MDGA2: variants seen among roughly 807,000 people sequenced by gnomAD.
The protein encoded by MDGA2 is MAM domain containing glycosylphosphatidylinositol anchor 2, also known as MAM domain-containing glycosylphosphatidylinositol anchor protein 2.
In MDGA2, 40 loss-of-function variants were observed where a neutral mutation model predicts 117.8. The ratio of observed to expected loss-of-function variants is 0.34; its 90% confidence interval spans 0.26 to 0.44. The LOEUF (loss-of-function observed/expected upper bound fraction) is 0.44. Among genes scored for constraint, MDGA2 ranks in the 20% least tolerant of loss-of-function variants. The pLI is 1.00. For missense variants in MDGA2, 1,123 were observed against 1,250.6 expected (o/e 0.90, Z 1.54); for synonymous variants, 452 against 439.0 (o/e 1.03, Z -0.37).
At chr14:47,439,711 C>T (rs1003420739) in intron 1 of MDGA2, among the ~76,000 whole-genome samples, 1 of 151,372 alleles carries the variant, frequency 6.6e-6, no homozygotes, top group African/African-American at 2.4e-5. Flanking sequence ...ATGTGTGTGT[C>T]TATGTCTGTA....
At chr14:47,079,217 A>C (rs1166474074) in intron 6 of MDGA2, among the ~76,000 whole-genome samples, 2 of 134,082 alleles carry the variant, frequency 1.5e-5, no homozygotes, top group African/African-American at 5.0e-5. Flanking sequence ...GGCATAAATT[A>C]GGGCAATTTA....
chr14:47,513,998 AT>A (rs1951364677), intron 1 of MDGA2, among the ~76,000 whole-genome samples: 2 of 152,128 alleles, frequency 1.3e-5, no homozygotes, highest in Non-Finnish European at 2.9e-5. Context: ...AGGCTAAAAC[AT>A]TATGTAGAAT....
intron 1 of MDGA2, among the ~76,000 whole-genome samples, chr14:47,401,288 AG>A (rs1892142884): frequency 6.6e-6 from 1 of 152,214 alleles, no homozygotes; most frequent in Admixed American, 6.5e-5. Context: ...CCTTGAAAAC[AG>A]TAAAAGTGTC....
chr14:47,275,562 T>C lies in MDGA2; in HGVS notation c.420+25849A>G, dbSNP rs1440996527. Reference sequence around the variant, plus strand: ...TCCAGTTTAAATATTTTAGTTACTATCCTAGATTTAAACTAAATCTAGATA... The same window carrying C: ...TCCAGTTTAAATATTTTAGTTACTACCCTAGATTTAAACTAAATCTAGATA... On this transcript the variant is annotated intron_variant, in intron 2 of 16. Transcript: ENST00000399232. Among the ~76,000 whole-genome samples the C allele has an allele frequency of 2.0e-5, 3 of 152,150 alleles. No individual in the cohort carries two copies. The East Asian group carries it at 5.8e-4, about 29-fold the overall frequency.
At chr14:47,172,789 G>A (rs1051520408) in intron 3 of MDGA2, among the ~76,000 whole-genome samples, 3 of 152,318 alleles carry the variant, frequency 2.0e-5, no homozygotes, top group Non-Finnish European at 4.4e-5. Context: ...ACGGAACAAA[G>A]CTGGATGGAG....
At chr14:47,192,544 G>A (rs926685352) in intron 3 of MDGA2, among the ~76,000 whole-genome samples, 4 of 151,970 alleles carry the variant, frequency 2.6e-5, no homozygotes, top group Non-Finnish European at 4.4e-5. Context: ...GAACCTGGGA[G>A]GCAGAGAACC....
intron 2 of MDGA2, among the ~76,000 whole-genome samples, chr14:47,287,432 T>C (rs1037494601): frequency 1.3e-5 from 2 of 152,138 alleles, no homozygotes; most frequent in African/African-American, 4.8e-5. Flanking sequence ...AGTTGAAAAA[T>C]ATGAATTATA....
chr14:46,942,535 G>A (rs1179447541), intron 9 of MDGA2, among the ~76,000 whole-genome samples: 2 of 151,950 alleles, frequency 1.3e-5, no homozygotes, highest in Non-Finnish European at 2.9e-5. Flanking sequence ...TCTGCAGAAA[G>A]TTACCTCCTG....
chr14:47,336,400 T>A (rs1890458299), intron 1 of MDGA2, among the ~76,000 whole-genome samples: 1 of 151,864 alleles, frequency 6.6e-6, no homozygotes, highest in Non-Finnish European at 1.5e-5. Context: ...AAATGGAGAC[T>A]GGCATTAAGG....
At chr14:47,181,273 C>T (rs571905025) in intron 3 of MDGA2, among the ~76,000 whole-genome samples, 1 of 152,060 alleles carries the variant, frequency 6.6e-6, no homozygotes, top group Non-Finnish European at 1.5e-5. Context: ...GTGATGTTCC[C>T]CTCCCTGTGT....
At chr14:47,398,408 G>A (rs1207406855) in intron 1 of MDGA2, among the ~76,000 whole-genome samples, 1 of 152,182 alleles carries the variant, frequency 6.6e-6, no homozygotes, top group Non-Finnish European at 1.5e-5. Context: ...GTTTAGGTAA[G>A]TGTTTTAATC....
At chr14:46,903,597 CTATAAT>C (rs2138455203) in intron 10 of MDGA2, among the ~76,000 whole-genome samples, 1 of 152,158 alleles carries the variant, frequency 6.6e-6, no homozygotes, top group Admixed American at 6.5e-5. Flanking sequence ...AGCCATTGCT[CTATAAT>C]TAATTATTAT....
chr14:47,026,374 C>T (rs1258366879), intron 8 of MDGA2, among the ~76,000 whole-genome samples: 1 of 152,078 alleles, frequency 6.6e-6, no homozygotes, highest in Non-Finnish European at 1.5e-5. Flanking sequence ...TGTTGCTTAA[C>T]TTCTGAAGTT....
chr14:47,187,285 T>C (rs996853601), intron 3 of MDGA2, among the ~76,000 whole-genome samples: 5 of 151,974 alleles, frequency 3.3e-5, no homozygotes, highest in African/African-American at 9.7e-5. Flanking sequence ...AATCATAAGA[T>C]AGGCTTGGAA....
At chr14:47,226,763 T>C (rs1886518138) in intron 2 of MDGA2, among the ~76,000 whole-genome samples, 1 of 152,196 alleles carries the variant, frequency 6.6e-6, no homozygotes, top group Non-Finnish European at 1.5e-5. Flanking sequence ...ATTCGGTCTC[T>C]TTAAAAGTTT....
chr14:46,950,666 C>T (rs1885340161), intron 9 of MDGA2, among the ~76,000 whole-genome samples: 1 of 151,864 alleles, frequency 6.6e-6, no homozygotes. Flanking sequence ...CACAATTTTA[C>T]TGGCAATTAT....
chr14:47,411,307 G>A (rs1231048327), intron 1 of MDGA2, among the ~76,000 whole-genome samples: 1 of 151,980 alleles, frequency 6.6e-6, no homozygotes, highest in African/African-American at 2.4e-5. Context: ...ACACTACAGA[G>A]TATAATATTA....
At chr14:47,511,668 C>A (rs990299756) in intron 1 of MDGA2, among the ~76,000 whole-genome samples, 1 of 152,066 alleles carries the variant, frequency 6.6e-6, no homozygotes, top group Admixed American at 6.6e-5. Flanking sequence ...AAAATTGTTT[C>A]GTTCAAGTTA....
At chr14:47,541,170 G>A (rs1753192350) in intron 1 of MDGA2, among the ~76,000 whole-genome samples, 1 of 152,122 alleles carries the variant, frequency 6.6e-6, no homozygotes, top group South Asian at 2.1e-4. Flanking sequence ...AATTATTTAT[G>A]ATCTCTACTG....
Sources: gnomAD v4.1 joint callset for allele counts (sites outside exome capture counted in the v4.1 genomes callset) on GRCh38, gnomAD v4.1.1 for gene constraint, MANE v1.5 for transcripts, NCBI Gene and HGNC (gene_info 2026-07-23, HGNC 2026-07-21) for gene names.